SERPINI1: variants seen among roughly 807,000 people sequenced by gnomAD.
The protein encoded by SERPINI1 is neuroserpin.
A neutral mutation model predicts 41.1 loss-of-function variants in SERPINI1; 19 were observed. That is an observed-to-expected ratio of 0.46 (90% confidence interval 0.32 to 0.68). The LOEUF (loss-of-function observed/expected upper bound fraction) is 0.68. Ranked by LOEUF, SERPINI1 falls within the 30% of genes least tolerant of loss-of-function variation. SERPINI1 has a pLI of 0.03. For missense variants in SERPINI1, 460 were observed against 479.2 expected, an observed-to-expected ratio of 0.96 and a Z score of 0.37; for synonymous variants, 138 against 156.6, an observed-to-expected ratio of 0.88 and a Z score of 0.89.
chr3:167,771,510 T>C (rs987313052), intron 1 of SERPINI1, among the ~76,000 whole-genome samples: 2 of 152,178 alleles, frequency 1.3e-5, no homozygotes, highest in African/African-American at 4.8e-5. Flanking sequence ...CTTTGGTTGG[T>C]TTCACTGAGG....
intron 1 of SERPINI1, among the ~76,000 whole-genome samples, chr3:167,753,433 A>G (rs1268628952): frequency 2.0e-5 from 3 of 152,148 alleles, no homozygotes; most frequent in African/African-American, 7.2e-5. Context: ...GGTGGTAAAT[A>G]AAGAAAATAT....
rs1712492260 is a variant in SERPINI1 at position 167,825,553 on chromosome 3, A to G, written c.*230A>G. ...GTGTGCTGTTGTTTAAAATAAAAGTACCTATTGAACATGTGACTAGATCTA... is the reference window on the plus strand; with the variant it reads ...GTGTGCTGTTGTTTAAAATAAAAGTGCCTATTGAACATGTGACTAGATCTA... On this transcript the variant is annotated 3_prime_UTR_variant, in exon 9 of 9. Transcript: ENST00000446050. 1 of 486,448 alleles carries G rather than the reference A, an allele frequency of 2.1e-6. No homozygotes were observed. Among genetic ancestry groups the G allele is most frequent in the African/African-American group, 1.9e-5 (1 of 51,504 alleles). The allele number at this position is 486,448 out of a possible 1,614,324, so 30.1% of individuals were successfully genotyped here. A position where few individuals can be genotyped will look rare whatever the true frequency, so the allele number is the denominator to read the frequency against.
At chr3:167,817,710 G>C (rs1033545695) in intron 6 of SERPINI1, among the ~76,000 whole-genome samples, 2 of 151,970 alleles carry the variant, frequency 1.3e-5, no homozygotes, top group African/African-American at 4.8e-5. Context: ...CCATTCTCCT[G>C]CCTCAGCCTC....
At chr3:167,790,222 G>A in intron 2 of SERPINI1, 150 bp from the exon 3 acceptor site, 2 of 645,260 alleles carry the variant, frequency 3.1e-6, no homozygotes, top group South Asian at 1.8e-5. Context: ...TACAAGTATT[G>A]GACCATATCA....
chr3:167,792,239 T>TA (rs879937454), intron 3 of SERPINI1, among the ~76,000 whole-genome samples: 3 of 152,144 alleles, frequency 2.0e-5, no homozygotes, highest in Admixed American at 2.0e-4. Context: ...AGTCTAAGCT[T>TA]ATATTGTATG....
intron 1 of SERPINI1, among the ~76,000 whole-genome samples, chr3:167,747,637 A>G (rs1013765847): frequency 6.8e-6 from 1 of 147,072 alleles, no homozygotes; most frequent in Non-Finnish European, 1.5e-5. Flanking sequence ...GAGCGAGACT[A>G]CGTCTCAAAA....
intron 1 of SERPINI1, among the ~76,000 whole-genome samples, chr3:167,759,090 A>G (rs888165994): frequency 6.6e-6 from 1 of 152,088 alleles, no homozygotes; most frequent in Non-Finnish European, 1.5e-5. Context: ...GTGTTCTGTT[A>G]GATTCCATTT....
intron 4 of SERPINI1, among the ~76,000 whole-genome samples, chr3:167,793,833 T>TGTGG: frequency 8.4e-6 from 1 of 118,366 alleles, no homozygotes; most frequent in East Asian, 2.5e-4. Context: ...ATTTTGGCCA[T>TGTGG]ATGTATGTGT....
In SERPINI1 at chr3:167,794,632, A is replaced by G. The variant is rs1233294141; in HGVS notation, c.689A>G (p.Asp230Gly). ...ATTTTCTTTTTAGGGGAATTTAGTG[A>G]TGGCTCCAATGAAGCTGGTGGTATC... ...QGEFYYGEFSDGSNEAGGIYQ... is the reference protein window; with the variant it reads ...QGEFYYGEFSGGSNEAGGIYQ... Residue 230 changes from aspartate (D) to glycine (G), a missense_variant, in exon 5 of 9, where the codon GAT becomes GGT. By Grantham distance (94) the Asp-to-Gly change is moderately conservative. Transcript: ENST00000446050. The G allele has an allele frequency of 1.9e-6, 3 of 1,613,264 alleles. No individual in the cohort carries two copies. The highest frequency in any genetic ancestry group is 1.1e-5 in the South Asian group (1 of 91,044).
Position 167,745,876 on chromosome 3 carries a change from A to C in SERPINI1, c.-19+10053A>C, listed in dbSNP as rs545070443. Among the ~76,000 whole-genome samples the C allele has an allele frequency of 2.0e-5, 3 of 152,302 alleles. No individual in the cohort carries two copies. The East Asian group carries it at 5.8e-4, about 29-fold the overall frequency. On this transcript the variant is annotated intron_variant, in intron 1 of 8. Transcript: ENST00000446050. ...AATGCAAGAATTTTACAACAAAAAC[A>C]CCAAATGATGTACAAAACATCACAA... is the stretch of plus-strand genomic sequence containing the variant.
intron 6 of SERPINI1, among the ~76,000 whole-genome samples, chr3:167,820,396 C>G (rs9817175): frequency 0.17 from 25,634 of 152,168 alleles, 2,620 homozygotes; most frequent in African/African-American, 0.28. Flanking sequence ...ACCTGGGCAT[C>G]TCTGCACTCT....
At chr3:167,791,024 GA>G (rs1303478104) in intron 3 of SERPINI1, among the ~76,000 whole-genome samples, 3 of 152,046 alleles carry the variant, frequency 2.0e-5, no homozygotes, top group African/African-American at 7.2e-5. Flanking sequence ...TTGAACCAAA[GA>G]ACTTCATTGG....
chr3:167,753,903 G>A (rs940915351), intron 1 of SERPINI1, among the ~76,000 whole-genome samples: 5 of 152,190 alleles, frequency 3.3e-5, no homozygotes, highest in African/African-American at 1.2e-4. Context: ...ATATCAGAAT[G>A]TGTGCTTGAT....
chr3:167,778,870 G>T (rs1288244252), intron 1 of SERPINI1, among the ~76,000 whole-genome samples: 1 of 152,210 alleles, frequency 6.6e-6, no homozygotes, highest in Non-Finnish European at 1.5e-5. Flanking sequence ...TCCTCTCATA[G>T]TTAGCTTGGC....
intron 5 of SERPINI1, among the ~76,000 whole-genome samples, chr3:167,806,708 T>C (rs1244860015): frequency 1.3e-5 from 2 of 152,260 alleles, no homozygotes; most frequent in Admixed American, 6.5e-5. Context: ...TATTGCAAAA[T>C]AGAATTTGGG....
At chr3:167,765,967 T>G (rs1726554177) in intron 1 of SERPINI1, among the ~76,000 whole-genome samples, 1 of 152,150 alleles carries the variant, frequency 6.6e-6, no homozygotes, top group African/African-American at 2.4e-5. Flanking sequence ...GCCTGGACCT[T>G]ATTGTTCATA....
In SERPINI1 at chr3:167,779,446, A is replaced by G. The variant is rs190925330; in HGVS notation, c.-18-9665A>G. The stretch of plus-strand genomic sequence containing the variant: ...ACTGGCCAATATCCACAGGGCAATA[A>G]TCAATTGCATTCCACTATACATGTA... On this transcript the variant is annotated intron_variant, in intron 1 of 8. Transcript: ENST00000446050. 3.6e-4 allele frequency among the ~76,000 whole-genome samples: 55 copies of G among 152,336 alleles called. No homozygotes were observed. In the East Asian group the frequency reaches 9.6e-3, roughly 27 times the overall value.
intron 5 of SERPINI1, among the ~76,000 whole-genome samples, chr3:167,805,242 G>C (rs1002207804): frequency 3.9e-5 from 6 of 152,014 alleles, no homozygotes; most frequent in Non-Finnish European, 5.9e-5. Context: ...TCACCATTCT[G>C]ACTGGCGTGA....
At chr3:167,753,284 T>C (rs1726099368) in intron 1 of SERPINI1, among the ~76,000 whole-genome samples, 1 of 152,168 alleles carries the variant, frequency 6.6e-6, no homozygotes, top group Non-Finnish European at 1.5e-5. Context: ...GCAGTTATTT[T>C]GTCTATTTTG....
Sources: gnomAD v4.1 joint callset for allele counts (sites outside exome capture counted in the v4.1 genomes callset) on GRCh38, gnomAD v4.1.1 for gene constraint, MANE v1.5 for transcripts, NCBI Gene and HGNC (gene_info 2026-07-23, HGNC 2026-07-21) for gene names.